Variants in PCDHGA2 observed in about 807,000 individuals in gnomAD.
PCDHGA2 encodes protocadherin gamma subfamily A, 2.
In PCDHGA2, 40 loss-of-function variants were observed where a neutral mutation model predicts 59.2. That is an observed-to-expected ratio of 0.68 (90% confidence interval 0.52 to 0.88). PCDHGA2 has a LOEUF of 0.88. PCDHGA2 is among the 40% of genes least tolerant of loss of function. The pLI is 0.00. For synonymous variants in PCDHGA2, 560 were observed against 526.0 expected, an observed-to-expected ratio of 1.06 and a Z score of -0.89; for missense variants, 1,226 against 1,204.0, an observed-to-expected ratio of 1.02 and a Z score of -0.27.
At chr5:141,367,147 G>T in intron 1 of PCDHGA2, 1 of 167,442 alleles carries the variant, frequency 6.0e-6, no homozygotes. Context: ...ATAATGTATA[G>T]GACTGATATT....
intron 1 of PCDHGA2, among the ~76,000 whole-genome samples, chr5:141,479,135 G>C (rs1236040845): frequency 6.6e-6 from 1 of 152,126 alleles, no homozygotes; most frequent in East Asian, 1.9e-4. Flanking sequence ...TGTGCACCCT[G>C]CTTACAAAAT....
At chr5:141,410,182 T>G in intron 1 of PCDHGA2, 1 of 1,613,868 alleles carries the variant, frequency 6.2e-7, no homozygotes, top group Non-Finnish European at 8.5e-7. Flanking sequence ...CCGCCACGCT[T>G]CATCTGGTCT....
chr5:141,351,234 C>T (rs373708937), intron 1 of PCDHGA2: 136 of 1,613,888 alleles, frequency 8.4e-5, no homozygotes, highest in South Asian at 1.6e-4. Flanking sequence ...GTACACACAG[C>T]TCACTGTAAT....
At chr5:141,393,167 G>C (rs889451396) in intron 1 of PCDHGA2, 17 of 1,613,166 alleles carry the variant, frequency 1.1e-5, no homozygotes, top group East Asian at 2.2e-5. Context: ...AACTCTTTGG[G>C]GTAGAAATAG....
intron 1 of PCDHGA2, chr5:141,364,410 G>A (rs2149857737): frequency 6.2e-7 from 1 of 1,612,210 alleles, no homozygotes; most frequent in Admixed American, 1.7e-5. Flanking sequence ...TGCGAGCCAG[G>A]ATCCGGGCAG....
chr5:141,341,580 G>A (rs1392302921), intron 1 of PCDHGA2, 185 bp downstream of exon 1: 4 of 1,211,726 alleles, frequency 3.3e-6, no homozygotes, highest in Non-Finnish European at 3.4e-6. Flanking sequence ...AAGAAGAGAC[G>A]TGAGAATCTT....
chr5:141,445,564 G>A (rs564704836), intron 1 of PCDHGA2, among the ~76,000 whole-genome samples: 20 of 152,306 alleles, frequency 1.3e-4, no homozygotes, highest in Admixed American at 1.2e-3. Context: ...CTAAGAGAAA[G>A]CTTATAGTAG....
chr5:141,370,051 A>G (rs1766638664), intron 1 of PCDHGA2, among the ~76,000 whole-genome samples: 1 of 152,244 alleles, frequency 6.6e-6, no homozygotes, highest in African/African-American at 2.4e-5. Flanking sequence ...ATGTTTTTTA[A>G]AAGTCCTTTT....
At chr5:141,410,849 C>CTTTTTTTTTTTTTTTTTTTCTT (rs2095436178) in intron 1 of PCDHGA2, 1 of 129,786 alleles carries the variant, frequency 7.7e-6, no homozygotes, top group Non-Finnish European at 1.3e-5. Context: ...TTGTCTTTGT[C>CTTTTTTTTTTTTTTTTTTTCTT]TTTTTTTTTT....
At chr5:141,501,983 C>T (rs957901405) in intron 2 of PCDHGA2, among the ~76,000 whole-genome samples, 1 of 152,068 alleles carries the variant, frequency 6.6e-6, no homozygotes, top group Non-Finnish European at 1.5e-5. Context: ...CATCTGGTCC[C>T]GTTGTCTCCC....
intron 3 of PCDHGA2, among the ~76,000 whole-genome samples, chr5:141,507,590 T>C (rs531629336): frequency 1.3e-5 from 2 of 152,374 alleles, no homozygotes; most frequent in African/African-American, 4.8e-5. Context: ...AGTTGGCCTC[T>C]TGAGGGAAAT....
chr5:141,458,970 C>T (rs1260904595), intron 1 of PCDHGA2, among the ~76,000 whole-genome samples: 1 of 152,170 alleles, frequency 6.6e-6, no homozygotes, highest in Admixed American at 6.6e-5. Flanking sequence ...CAGCCTCAAG[C>T]AGTCCTCCTG....
At chr5:141,469,804 T>C (rs1433459377) in intron 1 of PCDHGA2, among the ~76,000 whole-genome samples, 1 of 152,060 alleles carries the variant, frequency 6.6e-6, no homozygotes, top group Non-Finnish European at 1.5e-5. Context: ...TGCAAAAACA[T>C]TGTAGATAGA....
intron 1 of PCDHGA2, chr5:141,379,270 GATTT>G (rs1013953164): frequency 5.3e-5 from 8 of 152,170 alleles, no homozygotes; most frequent in African/African-American, 7.2e-5. Context: ...AATTGTTATA[GATTT>G]ATTTATTTCA....
intron 1 of PCDHGA2, chr5:141,377,801 T>C (rs1439596981): frequency 1.3e-5 from 2 of 152,176 alleles, no homozygotes; most frequent in African/African-American, 2.4e-5. Context: ...CCTGTAACTA[T>C]CTGTTATTTA....
chr5:141,371,142 A>G, intron 1 of PCDHGA2: 1 of 1,614,010 alleles, frequency 6.2e-7, no homozygotes, highest in Non-Finnish European at 8.5e-7. Flanking sequence ...GTACAGGGTC[A>G]ATGTTGCAGA....
At chr5:141,445,751 G>A (rs1211416281) in intron 1 of PCDHGA2, among the ~76,000 whole-genome samples, 1 of 152,102 alleles carries the variant, frequency 6.6e-6, no homozygotes, top group East Asian at 1.9e-4. Context: ...AAAAATAAAA[G>A]GTGTGACTCA....
intron 2 of PCDHGA2, among the ~76,000 whole-genome samples, chr5:141,504,341 CTTTGTGCTAGGT>C (rs963088433): frequency 3.9e-5 from 6 of 152,020 alleles, no homozygotes; most frequent in African/African-American, 1.4e-4. Flanking sequence ...AAGTGCTAGG[CTTTGTGCTAGGT>C]GCTTCAGTAG....
In PCDHGA2 at chr5:141,477,486, C is replaced by T. The variant is rs1472326209; in HGVS notation, c.2425-17321C>T. On this transcript the variant is annotated intron_variant, in intron 1 of 3. Coordinates refer to ENST00000394576, the MANE Select transcript of PCDHGA2 (RefSeq NM_018915.4). This position sits in a 1 kb window ranked among gnomAD's most constrained non-coding sequence, Gnocchi z 4.9. ...GACATCAATGACAACCCTCCACAATCTTCTCAATCTTCCTACGACGTTTAC... is the reference window on the plus strand; with the variant it reads ...GACATCAATGACAACCCTCCACAATTTTCTCAATCTTCCTACGACGTTTAC... 6.2e-7 allele frequency: 1 copy of T among 1,614,052 alleles called. No individual in the cohort carries two copies. The highest frequency in any genetic ancestry group is 1.3e-5 in the African/African-American group (1 of 74,914).
Sources: gnomAD v4.1 joint callset for allele counts (sites outside exome capture counted in the v4.1 genomes callset) on GRCh38, gnomAD v4.1.1 for gene constraint, Gnocchi (gnomAD v3.1) non-coding constraint, MANE v1.5 for transcripts, NCBI Gene and HGNC (gene_info 2026-07-23, HGNC 2026-07-21) for gene names.